Variants in ELF1 observed in about 807,000 individuals in gnomAD.
The protein encoded by ELF1 is ETS-related transcription factor Elf-1.
In ELF1, 24 loss-of-function variants were observed where a neutral mutation model predicts 59.9. That is an observed-to-expected ratio of 0.40 (90% CI 0.29 to 0.56). The LOEUF (loss-of-function observed/expected upper bound fraction) is 0.56. Ranked by LOEUF, ELF1 falls within the 20% of genes least tolerant of loss-of-function variation. ELF1 has a pLI of 0.44. For missense variants in ELF1, 627 were observed against 742.2 expected (o/e 0.84, Z 1.80); for synonymous variants, 248 against 266.2 (o/e 0.93, Z 0.67).
chr13:40,938,268 A>T (rs1413945865), intron 8 of ELF1, among the ~76,000 whole-genome samples: 3 of 152,222 alleles, frequency 2.0e-5, no homozygotes. Flanking sequence ...TTCTTTGACT[A>T]CCATGAAGCC....
chr13:40,966,146 A>G (rs888855892), intron 2 of ELF1, among the ~76,000 whole-genome samples: 7 of 152,254 alleles, frequency 4.6e-5, no homozygotes, highest in Non-Finnish European at 1.0e-4. Flanking sequence ...GTTTTTGAAC[A>G]GAACCAAAAT....
intron 1 of ELF1, among the ~76,000 whole-genome samples, chr13:41,041,941 T>C (rs773618751): frequency 2.0e-5 from 3 of 152,272 alleles, no homozygotes; most frequent in Non-Finnish European, 2.9e-5. Context: ...GAAGGTCATA[T>C]TTGTATTCAG....
chr13:40,954,420 G>GCTCTCC (rs71200146), intron 3 of ELF1, among the ~76,000 whole-genome samples: 2 of 148,258 alleles, frequency 1.3e-5, no homozygotes, highest in African/African-American at 2.5e-5. Flanking sequence ...AAAGTGTGTA[G>GCTCTCC]CTCTCCCTCT....
At chr13:41,059,342 C>T (rs1877406735) in intron 1 of ELF1, among the ~76,000 whole-genome samples, 1 of 152,222 alleles carries the variant, frequency 6.6e-6, no homozygotes, top group Non-Finnish European at 1.5e-5. Context: ...ATACAAACAT[C>T]AGTAACTTCA....
intron 1 of ELF1, among the ~76,000 whole-genome samples, chr13:41,059,796 C>T (rs1006696357): frequency 2.0e-5 from 3 of 152,128 alleles, no homozygotes; most frequent in African/African-American, 7.2e-5. Context: ...TTTAACGTCC[C>T]CTCCCCAGTC....
intron 3 of ELF1, among the ~76,000 whole-genome samples, chr13:40,952,292 T>G (rs904955577): frequency 1.3e-5 from 2 of 152,090 alleles, no homozygotes; most frequent in East Asian, 1.9e-4. Context: ...AAAAAAAAAT[T>G]TATGTATTTT....
chr13:41,012,538 T>C (rs1383248628), intron 1 of ELF1, among the ~76,000 whole-genome samples: 2 of 148,546 alleles, frequency 1.3e-5, no homozygotes, highest in Non-Finnish European at 3.0e-5. Flanking sequence ...TTTTTTTCTT[T>C]TCTTTTCTTT....
At chr13:40,962,520 T>TA (rs958313339) in intron 2 of ELF1, among the ~76,000 whole-genome samples, 4 of 151,120 alleles carry the variant, frequency 2.6e-5, no homozygotes, top group Non-Finnish European at 4.4e-5. Flanking sequence ...TTGTCTTTAC[T>TA]AAAAAAATAC....
intron 2 of ELF1, among the ~76,000 whole-genome samples, chr13:40,970,425 G>A (rs1416855998): frequency 1.3e-5 from 2 of 152,130 alleles, no homozygotes; most frequent in Non-Finnish European, 1.5e-5. Flanking sequence ...TATAGAAAAC[G>A]GGAAAAATAC....
At chr13:41,041,355 T>C (rs1200132108) in intron 1 of ELF1, among the ~76,000 whole-genome samples, 1 of 150,578 alleles carries the variant, frequency 6.6e-6, no homozygotes, top group Non-Finnish European at 1.5e-5. Flanking sequence ...GACATACACA[T>C]CTCATTTAAT....
intron 1 of ELF1, among the ~76,000 whole-genome samples, chr13:41,058,847 T>C (rs1877382550): frequency 6.6e-6 from 1 of 152,120 alleles, no homozygotes; most frequent in Admixed American, 6.5e-5. Flanking sequence ...GTGGCGGGTG[T>C]CTGTAGTCCC....
rs556169470 is a variant in ELF1 at position 40,997,558 on chromosome 13, C to T, written c.-228-15276G>A. 2.6e-4 allele frequency among the ~76,000 whole-genome samples: 39 copies of T among 151,674 alleles called. 1 individual carries two copies. The South Asian group carries it at 7.9e-3, about 31-fold the overall frequency. Reference sequence around the variant, plus strand: ...GGTGTGAGCCACTGCACCCGGCCATCTTTTTTCTTTTTTTTTAAGAGATGG... The same window carrying T: ...GGTGTGAGCCACTGCACCCGGCCATTTTTTTTCTTTTTTTTTAAGAGATGG... On this transcript the variant is annotated intron_variant, in intron 1 of 8. Coordinates refer to ENST00000239882, the MANE Select transcript of ELF1 (RefSeq NM_172373.4).
chr13:40,999,706 C>G (rs1233836524), intron 1 of ELF1, among the ~76,000 whole-genome samples: 1 of 152,188 alleles, frequency 6.6e-6, no homozygotes, highest in Non-Finnish European at 1.5e-5. Context: ...ACATTGAAAA[C>G]TTCGCATCAC....
At chr13:41,018,584 TTTTAC>T (rs1303047151) in intron 1 of ELF1, among the ~76,000 whole-genome samples, 1 of 152,206 alleles carries the variant, frequency 6.6e-6, no homozygotes, top group Non-Finnish European at 1.5e-5. Context: ...TAATATTCAC[TTTTAC>T]TTGTTATCTA....
At chr13:40,957,831 TAC>T (rs939381845) in intron 3 of ELF1, among the ~76,000 whole-genome samples, 1 of 152,226 alleles carries the variant, frequency 6.6e-6, no homozygotes, top group East Asian at 1.9e-4. Flanking sequence ...ACCAGATGGA[TAC>T]AGTCATTCTA....
chr13:40,994,103 T>C (rs1874014707), intron 1 of ELF1, among the ~76,000 whole-genome samples: 1 of 152,176 alleles, frequency 6.6e-6, no homozygotes, highest in South Asian at 2.1e-4. Flanking sequence ...TCCAGGACTC[T>C]GAAGGCAGGG....
chr13:41,007,521 G>GT (rs1874823109), intron 1 of ELF1, among the ~76,000 whole-genome samples: 1 of 152,102 alleles, frequency 6.6e-6, no homozygotes, highest in African/African-American at 2.4e-5. Flanking sequence ...GGAGAAGCCA[G>GT]TAACTGCCCC....
intron 1 of ELF1, among the ~76,000 whole-genome samples, chr13:41,056,258 T>C (rs1877284164): frequency 6.6e-6 from 1 of 152,226 alleles, no homozygotes; most frequent in African/African-American, 2.4e-5. Context: ...ATAAATGGAA[T>C]AAAAATGTGG....
At chr13:41,050,567 T>A (rs577848261) in intron 1 of ELF1, among the ~76,000 whole-genome samples, 13 of 152,190 alleles carry the variant, frequency 8.5e-5, no homozygotes, top group East Asian at 5.8e-4. Flanking sequence ...TCAAAAAAAA[T>A]TTTTTTTGAG....
Sources: allele counts gnomAD v4.1 joint callset (sites outside exome capture counted in the v4.1 genomes callset), GRCh38; gene constraint gnomAD v4.1.1; transcripts MANE v1.5; gene names NCBI Gene and HGNC (gene_info 2026-07-23, HGNC 2026-07-21).